Variants in SLC16A10 observed in about 807,000 individuals in gnomAD.
SLC16A10 encodes monocarboxylate transporter 10.
In SLC16A10, 27 loss-of-function variants were observed where a neutral mutation model predicts 40.0. That is an observed-to-expected ratio of 0.67 (90% CI 0.50 to 0.93). The LOEUF (loss-of-function observed/expected upper bound fraction) is 0.93. Ranked by LOEUF, SLC16A10 falls within the 40% of genes least tolerant of loss-of-function variation. SLC16A10 has a pLI of 0.00. For synonymous variants in SLC16A10, 213 were observed against 249.8 expected (o/e 0.85, Z 1.39); for missense variants, 529 against 658.2 (o/e 0.80, Z 2.15).
At chr6:111,134,618 G>A (rs1240408950) in intron 1 of SLC16A10, among the ~76,000 whole-genome samples, 4 of 152,062 alleles carry the variant, frequency 2.6e-5, no homozygotes, top group African/African-American at 9.7e-5. Flanking sequence ...TGGAGGCTCT[G>A]GAAAAGGGAA....
chr6:111,091,252 G>C (rs895115780), intron 1 of SLC16A10: 1 of 152,098 alleles, frequency 6.6e-6, no homozygotes, highest in Non-Finnish European at 1.5e-5. Context: ...TGTCATCCTT[G>C]TTCAGGGGTC....
At chr6:111,219,628 A>G (rs1770851054) in intron 5 of SLC16A10, among the ~76,000 whole-genome samples, 1 of 151,376 alleles carries the variant, frequency 6.6e-6, no homozygotes, top group Non-Finnish European at 1.5e-5. Context: ...ACATGATAGA[A>G]AAAACCCAAA....
At chr6:111,195,344 C>T (rs1773062425) in intron 3 of SLC16A10, among the ~76,000 whole-genome samples, 1 of 152,028 alleles carries the variant, frequency 6.6e-6, no homozygotes, top group South Asian at 2.1e-4. Flanking sequence ...TTCATAAATA[C>T]TGAAAGTTGT....
At chr6:111,137,651 T>C (rs1166950072) in intron 1 of SLC16A10, among the ~76,000 whole-genome samples, 1 of 152,226 alleles carries the variant, frequency 6.6e-6, no homozygotes, top group Non-Finnish European at 1.5e-5. Flanking sequence ...CTCAAGTGCA[T>C]GACCCTTAGT....
chr6:111,208,580 A>AG (rs1397436344), intron 4 of SLC16A10, among the ~76,000 whole-genome samples: 1 of 151,816 alleles, frequency 6.6e-6, no homozygotes, highest in Non-Finnish European at 1.5e-5. Context: ...TCCATCTCAG[A>AG]GAAAAAAAAA....
chr6:111,130,061 T>C (rs1305925621), intron 1 of SLC16A10, among the ~76,000 whole-genome samples: 1 of 152,178 alleles, frequency 6.6e-6, no homozygotes, highest in Non-Finnish European at 1.5e-5. Context: ...TACACTGGAG[T>C]TACCAACTGG....
chr6:111,133,513 G>A (rs528009190), intron 1 of SLC16A10, among the ~76,000 whole-genome samples: 1 of 152,262 alleles, frequency 6.6e-6, no homozygotes, highest in Admixed American at 6.5e-5. Flanking sequence ...TCTTCAAGGG[G>A]GAGAAACCTG....
chr6:111,130,920 C>T (rs188948177), intron 1 of SLC16A10, among the ~76,000 whole-genome samples: 177 of 152,310 alleles, frequency 1.2e-3, no homozygotes, highest in Middle Eastern at 6.8e-3. Flanking sequence ...CCTTAATTTT[C>T]TTAGGTATAA....
chr6:111,126,182 A>G (rs1771670850), intron 1 of SLC16A10, among the ~76,000 whole-genome samples: 1 of 152,226 alleles, frequency 6.6e-6, no homozygotes, highest in African/African-American at 2.4e-5. Flanking sequence ...AATAATAAAT[A>G]TTAAGATTTT....
intron 1 of SLC16A10, among the ~76,000 whole-genome samples, chr6:111,152,394 G>A (rs1473130538): frequency 1.3e-5 from 2 of 152,224 alleles, no homozygotes; most frequent in Non-Finnish European, 1.5e-5. Flanking sequence ...TACTCACAAA[G>A]TATTTGTTGA....
intron 3 of SLC16A10, among the ~76,000 whole-genome samples, chr6:111,182,298 G>A (rs746184961): frequency 6.8e-6 from 1 of 147,254 alleles, no homozygotes; most frequent in Non-Finnish European, 1.5e-5. Flanking sequence ...ACCACGCCTG[G>A]CCTCTGGGTT....
At chr6:111,109,651 T>C (rs894524298) in intron 1 of SLC16A10, among the ~76,000 whole-genome samples, 1 of 152,030 alleles carries the variant, frequency 6.6e-6, no homozygotes, top group African/African-American at 2.4e-5. Context: ...GGGGTCTCTG[T>C]ATATTGCCCA....
At chr6:111,213,671 C>T (rs767982307) in intron 4 of SLC16A10, among the ~76,000 whole-genome samples, 11 of 152,180 alleles carry the variant, frequency 7.2e-5, no homozygotes, top group South Asian at 2.1e-4. Flanking sequence ...TGGGTGTGAA[C>T]GTATCAAATG....
chr6:111,148,340 T>C (rs1235805317), intron 1 of SLC16A10, among the ~76,000 whole-genome samples: 2 of 152,238 alleles, frequency 1.3e-5, no homozygotes, highest in Non-Finnish European at 2.9e-5. Context: ...TTGGCAGGTT[T>C]AATGTTCTTT....
chr6:111,139,453 C>T (rs548842618), intron 1 of SLC16A10, among the ~76,000 whole-genome samples: 2 of 152,214 alleles, frequency 1.3e-5, no homozygotes, highest in South Asian at 2.1e-4. Flanking sequence ...AGGCGCGTGC[C>T]ACCACATCCA....
At chr6:111,169,712 C>A (rs1772546661) in intron 1 of SLC16A10, among the ~76,000 whole-genome samples, 1 of 152,158 alleles carries the variant, frequency 6.6e-6, no homozygotes, top group Non-Finnish European at 1.5e-5. Flanking sequence ...TTGAAGTGTT[C>A]ATCTAGTGTC....
At chr6:111,188,706 G>T (rs1007417886) in intron 3 of SLC16A10, among the ~76,000 whole-genome samples, 1 of 151,992 alleles carries the variant, frequency 6.6e-6, no homozygotes, top group African/African-American at 2.4e-5. Flanking sequence ...TGTATTTCTT[G>T]TATTTTTGTT....
intron 1 of SLC16A10, among the ~76,000 whole-genome samples, chr6:111,142,317 A>G (rs12215291): frequency 0.11 from 17,020 of 152,224 alleles, 1,255 homozygotes; most frequent in Middle Eastern, 0.17. Context: ...GTCCACATGT[A>G]AAAAAATGAA....
At position 111,222,471 on chromosome 6, in the gene SLC16A10, T is replaced by C; in HGVS notation, c.*236T>C. On this transcript the variant is annotated 3_prime_UTR_variant, in exon 6 of 6. Transcript: ENST00000368851. ...TATATGAAAACGTCTGAAAGTCACA[T>C]ATTGTGAAAATTTGAAGCTATCTCA... 1 of 412,894 alleles carries C rather than the reference T, an allele frequency of 2.4e-6. No individual in the cohort carries two copies. The highest frequency in any genetic ancestry group is 2.1e-5 in the African/African-American group (1 of 47,106). The allele number at this position is 412,894 out of a possible 1,614,324, so 25.6% of individuals were successfully genotyped here.
Sources: allele counts gnomAD v4.1 joint callset (sites outside exome capture counted in the v4.1 genomes callset), GRCh38; gene constraint gnomAD v4.1.1; transcripts MANE v1.5; gene names NCBI Gene and HGNC (gene_info 2026-07-23, HGNC 2026-07-21).